Variants in NEK4 observed in about 807,000 individuals in gnomAD.
The protein encoded by NEK4 is NIMA related kinase 4, also known as serine/threonine-protein kinase Nek4.
A neutral mutation model predicts 98.4 loss-of-function variants in NEK4; 86 were observed. The observed-to-expected ratio is 0.87, with a 90% CI of 0.73 to 1.05. NEK4 has a LOEUF of 1.05. Among genes scored for constraint, NEK4 ranks in the 50% least tolerant of loss-of-function variants. The probability of loss-of-function intolerance (pLI) is 0.00; values close to 1 mark genes in which losing one functional copy is unlikely to be tolerated. For synonymous variants in NEK4, 328 were observed against 342.2 expected, an observed-to-expected ratio of 0.96 and a Z score of 0.46; for missense variants, 898 against 950.3, an observed-to-expected ratio of 0.94 and a Z score of 0.72.
intron 15 of NEK4, among the ~76,000 whole-genome samples, chr3:52,728,203 T>C (rs905663943): frequency 6.6e-6 from 1 of 152,188 alleles, no homozygotes; most frequent in African/African-American, 2.4e-5. Context: ...TGAAAGCCCA[T>C]CTCTACAAAA....
Position 52,739,411 on chromosome 3 carries a change from T to A in NEK4, c.2299+18A>T, listed in dbSNP as rs1384700011. The A allele has an allele frequency of 2.5e-6, 4 of 1,609,068 alleles. No homozygotes were observed. Among genetic ancestry groups the A allele is most frequent in the Non-Finnish European group, 3.4e-6 (4 of 1,175,930 alleles). On this transcript the variant is annotated intron_variant, in intron 14 of 15. Coordinates refer to ENST00000233027, the MANE Select transcript of NEK4 (RefSeq NM_003157.6). Reference sequence around the variant, plus strand: ...GAGACTCCGTCTAAAAAACAAAAAATAATAATAAGCTGATCACCTGAAGGT... The same window carrying A: ...GAGACTCCGTCTAAAAAACAAAAAAAAATAATAAGCTGATCACCTGAAGGT...
At position 52,765,970 on chromosome 3, in the gene NEK4, A is replaced by G; in HGVS notation, c.583T>C (p.Cys195Arg). 5 of 1,610,090 alleles carry G rather than the reference A, an allele frequency of 3.1e-6. No homozygotes were observed. Among genetic ancestry groups the G allele is most frequent in the Non-Finnish European group, 4.3e-6 (5 of 1,176,336 alleles). The change falls in exon 4 of 16, where the codon TGT becomes CGT. Residue 195 changes from cysteine (C) to arginine (R), a missense_variant. Transcript: ENST00000233027. ...YKSDVWALGC[C>R]VYEMATLKHA... ...TTCAAGGTGGCCATTTCATAGACAC[A>G]GCATCCTAGAGCCCAAACATCAGAC...
chr3:52,766,606 T>C (rs1698568662), intron 2 of NEK4, among the ~76,000 whole-genome samples: 1 of 152,370 alleles, frequency 6.6e-6, no homozygotes, highest in South Asian at 2.1e-4. Flanking sequence ...TTAAGTTCCA[T>C]GTGTTGACTT....
At chr3:52,770,164 A>C (rs1698721542) in intron 1 of NEK4, among the ~76,000 whole-genome samples, 1 of 152,172 alleles carries the variant, frequency 6.6e-6, no homozygotes, top group Non-Finnish European at 1.5e-5. Flanking sequence ...AACGGAAGAC[A>C]TGAGAGAAGG....
intron 6 of NEK4, among the ~76,000 whole-genome samples, chr3:52,757,326 G>A (rs112126632): frequency 6.6e-6 from 1 of 152,190 alleles, no homozygotes; most frequent in Non-Finnish European, 1.5e-5. Flanking sequence ...GGGAGGCCAA[G>A]GCGGGTGGAT....
At chr3:52,762,433 T>C (rs557505050) in intron 5 of NEK4, among the ~76,000 whole-genome samples, 1 of 152,242 alleles carries the variant, frequency 6.6e-6, no homozygotes, top group South Asian at 2.1e-4. Flanking sequence ...CCCAGAGTAG[T>C]GCATATGTCC....
chr3:52,741,267 A>ACTTTTAG (rs2097385589), intron 13 of NEK4, 144 bp downstream of exon 13: 1 of 488,836 alleles, frequency 2.0e-6, no homozygotes, highest in Non-Finnish European at 3.6e-6. Flanking sequence ...AAGAAGAGAC[A>ACTTTTAG]CTTTTAGCTC....
intron 15 of NEK4, among the ~76,000 whole-genome samples, chr3:52,728,975 C>T (rs1474315837): frequency 6.6e-6 from 1 of 152,118 alleles, no homozygotes; most frequent in Admixed American, 6.5e-5. Context: ...TCTCTGCTCT[C>T]GAACTGTGAT....
intron 15 of NEK4, among the ~76,000 whole-genome samples, chr3:52,718,762 CT>C (rs768013746): frequency 6.6e-6 from 1 of 151,798 alleles, no homozygotes; most frequent in Non-Finnish European, 1.5e-5. Context: ...ATGTTAGGCC[CT>C]TTTTTTTGAG....
At chr3:52,734,811 G>T in intron 15 of NEK4, 1 of 295,890 alleles carries the variant, frequency 3.4e-6, no homozygotes, top group Non-Finnish European at 6.6e-6. Context: ...GATCTGACTG[G>T]GGAGCCTCTC....
At chr3:52,732,372 T>C (rs1003420518) in intron 15 of NEK4, among the ~76,000 whole-genome samples, 9 of 152,168 alleles carry the variant, frequency 5.9e-5, no homozygotes, top group Non-Finnish European at 1.0e-4. Flanking sequence ...TTTTTTGTAT[T>C]TTTAGTAGAG....
intron 6 of NEK4, among the ~76,000 whole-genome samples, chr3:52,755,422 GA>G (rs2097413478): frequency 1.4e-5 from 2 of 146,486 alleles, no homozygotes; most frequent in Admixed American, 6.9e-5. Context: ...CAGAATGAAG[GA>G]AAAAAAACAC....
intron 15 of NEK4, among the ~76,000 whole-genome samples, chr3:52,718,472 CAAAAAAAAAAA>C (rs35974184): frequency 3.2e-5 from 3 of 92,434 alleles, no homozygotes; most frequent in Non-Finnish European, 6.6e-5. Context: ...GACTCCGTCT[CAAAAAAAAAAA>C]AAAAAAAAAG....
At chr3:52,747,953 ATT>A (rs1442581121) in intron 8 of NEK4, among the ~76,000 whole-genome samples, 1 of 148,052 alleles carries the variant, frequency 6.8e-6, no homozygotes, top group Non-Finnish European at 1.5e-5. Flanking sequence ...AAAAAAAAAA[ATT>A]ATTATTTTAT....
intron 15 of NEK4, among the ~76,000 whole-genome samples, chr3:52,714,765 G>A (rs896880899): frequency 1.3e-5 from 2 of 152,216 alleles, no homozygotes; most frequent in Non-Finnish European, 2.9e-5. Flanking sequence ...AGGCTCGGGG[G>A]TGTCTGTTCC....
At chr3:52,756,261 T>G (rs1437786931) in intron 6 of NEK4, among the ~76,000 whole-genome samples, 1 of 152,132 alleles carries the variant, frequency 6.6e-6, no homozygotes, top group Non-Finnish European at 1.5e-5. Context: ...TAAAATTCAG[T>G]GGAATCTCAA....
At chr3:52,754,216 A>C (rs1437869967) in intron 6 of NEK4, 2 of 307,456 alleles carry the variant, frequency 6.5e-6, no homozygotes, top group Admixed American at 8.4e-5. Flanking sequence ...CCTAATTACT[A>C]TCCAGATGGT....
intron 15 of NEK4, among the ~76,000 whole-genome samples, chr3:52,713,223 C>A (rs2097352083): frequency 6.6e-6 from 1 of 152,186 alleles, no homozygotes; most frequent in African/African-American, 2.4e-5. Context: ...CCTCCTGATA[C>A]AATGCACTGA....
chr3:52,757,854 T>TA (rs749036132), intron 6 of NEK4, among the ~76,000 whole-genome samples: 44 of 152,246 alleles, frequency 2.9e-4, no homozygotes, highest in Non-Finnish European at 4.4e-4. Flanking sequence ...CTGAGGTACT[T>TA]ACACTAGTCA....
Sources: gnomAD v4.1 joint callset for allele counts (sites outside exome capture counted in the v4.1 genomes callset) on GRCh38, gnomAD v4.1.1 for gene constraint, MANE v1.5 for transcripts, NCBI Gene and HGNC (gene_info 2026-07-23, HGNC 2026-07-21) for gene names.